Variants in SLCO1B3 observed in about 807,000 individuals in gnomAD.
The protein encoded by SLCO1B3 is solute carrier organic anion transporter family member 1B3, also known as liver-specific organic anion transporter 2.
Under a neutral mutation model 71.8 loss-of-function variants are expected in SLCO1B3, and 72 were observed. The ratio of observed to expected loss-of-function variants is 1.00; its 90% CI spans 0.83 to 1.22. The LOEUF (loss-of-function observed/expected upper bound fraction) is 1.22. Ranked by LOEUF, SLCO1B3 falls within the 50% of genes most tolerant of loss-of-function variation. The pLI, the probability that SLCO1B3 is intolerant of heterozygous loss-of-function variation, is 0.00. For missense variants in SLCO1B3, 911 were observed against 819.7 expected, an observed-to-expected ratio of 1.11 and a Z score of -1.36; for synonymous variants, 298 against 278.4, an observed-to-expected ratio of 1.07 and a Z score of -0.70.
intron 10 of SLCO1B3, among the ~76,000 whole-genome samples, 167 bp from the exon 11 acceptor site, chr12:20,879,269 C>T (rs561010928): frequency 7.4e-4 from 94 of 126,716 alleles, no homozygotes; most frequent in African/African-American, 2.5e-3. Flanking sequence ...GGTGCAGTGG[C>T]GCGATCTCGG....
intron 3 of SLCO1B3, among the ~76,000 whole-genome samples, chr12:20,842,457 G>A (rs1326386529): frequency 6.6e-6 from 1 of 151,862 alleles, no homozygotes; most frequent in Non-Finnish European, 1.5e-5. Context: ...TATCCATAAT[G>A]ATGTTTATGT....
intron 15 of SLCO1B3, among the ~76,000 whole-genome samples, chr12:20,905,896 G>A (rs1866235060): frequency 6.6e-6 from 1 of 152,146 alleles, no homozygotes; most frequent in Non-Finnish European, 1.5e-5. Context: ...CCCACTCCCA[G>A]TACCAATATT....
intron 3 of SLCO1B3, among the ~76,000 whole-genome samples, chr12:20,848,628 C>T (rs1372157309): frequency 6.6e-6 from 1 of 152,008 alleles, no homozygotes; most frequent in Non-Finnish European, 1.5e-5. Context: ...GTGATACAGT[C>T]AAACAATGTA....
At chr12:20,867,024 C>T (rs1865386710) in intron 8 of SLCO1B3, among the ~76,000 whole-genome samples, 1 of 152,124 alleles carries the variant, frequency 6.6e-6, no homozygotes, top group Non-Finnish European at 1.5e-5. Context: ...AGTACCTTGG[C>T]AGGAAGGGTT....
rs766131954 is a variant in SLCO1B3 at position 20,879,562 on chromosome 12, T to C, written c.1262T>C (p.Phe421Ser). The change falls in exon 11 of 16, where the codon TTT becomes TCT. Residue 421 changes from phenylalanine (F) to serine (S), a missense_variant. Phe to Ser is a radical substitution (Grantham distance 155). Transcript: ENST00000381545. The part of the protein sequence containing the change: ...SFLTSMISFL[F>S]QLLYFPLICE... The stretch of plus-strand genomic sequence containing the variant: ...CTTACTTCGATGATATCCTTCTTGT[T>C]TCAACTTCTATATTTCCCTCTAATC... 43 of 1,613,012 alleles carry C rather than the reference T, an allele frequency of 2.7e-5. No individual in the cohort carries two copies. Among genetic ancestry groups the C allele is most frequent in the Admixed American group, 1.0e-4 (6 of 59,820 alleles).
Position 20,841,490 on chromosome 12 carries a change from C to G in SLCO1B3, c.85-13538C>G, listed in dbSNP as rs193158063. On this transcript the variant is annotated intron_variant, in intron 3 of 15. Coordinates refer to ENST00000381545, the MANE Select transcript of SLCO1B3 (RefSeq NM_019844.4). Reference sequence around the variant, plus strand: ...AGGGATTCTTATTTAAAAATGTTTTCTACCATTGCCTGCCATAATTGCACT... The same window carrying G: ...AGGGATTCTTATTTAAAAATGTTTTGTACCATTGCCTGCCATAATTGCACT... Among the ~76,000 whole-genome samples the G allele has an allele frequency of 1.4e-4, 17 of 125,178 alleles. No homozygotes were observed. The Admixed American group carries it at 1.6e-3, about 12-fold the overall frequency. The allele number at this position is 125,178 out of a possible 152,430, so 82.1% of individuals were successfully genotyped here. A position where few individuals can be genotyped will look rare whatever the true frequency, so the allele number is the denominator to read the frequency against.
In SLCO1B3 at chr12:20,821,320, G is replaced by T. The variant is rs190882211; in HGVS notation, c.84+5498G>T. Among the ~76,000 whole-genome samples the T allele has an allele frequency of 4.0e-3, 608 of 152,248 alleles. 2 individuals carry two copies. The highest frequency in any genetic ancestry group is 0.017 in the Middle Eastern group (5 of 294). ...GTTTTTCTGGCAATTTGTAACTACT[G>T]TCGAGTTTGTACTGGGGTCAAGCGG... On this transcript the variant is annotated intron_variant, in intron 3 of 15. Transcript: ENST00000381545.
intron 15 of SLCO1B3, among the ~76,000 whole-genome samples, chr12:20,905,473 T>C (rs1866224475): frequency 6.6e-6 from 1 of 152,198 alleles, no homozygotes; most frequent in African/African-American, 2.4e-5. Flanking sequence ...TCAGATAATC[T>C]CTTTGTTCAC....
At chr12:20,865,889 G>A (rs903667872) in intron 8 of SLCO1B3, among the ~76,000 whole-genome samples, 5 of 151,984 alleles carry the variant, frequency 3.3e-5, no homozygotes, top group African/African-American at 9.7e-5. Flanking sequence ...ATTAACTGTA[G>A]TGCCTACTTC....
At chr12:20,877,357 T>G (rs1865602793) in intron 9 of SLCO1B3, among the ~76,000 whole-genome samples, 1 of 152,172 alleles carries the variant, frequency 6.6e-6, no homozygotes, top group Admixed American at 6.5e-5. Context: ...TTAGATTTAT[T>G]CCATATATTC....
rs183533352 is a variant in SLCO1B3, at chr12:20,829,108, C to T, written c.84+13286C>T. On this transcript the variant is annotated intron_variant, in intron 3 of 15. Coordinates refer to ENST00000381545, the MANE Select transcript of SLCO1B3 (RefSeq NM_019844.4). ...GTTGAGTAGAGTTGGTCAAACCTAA[C>T]GGGAAAAAGACTGAAACAACAAAAA... is the stretch of plus-strand genomic sequence containing the variant. Among the ~76,000 whole-genome samples, 534 of 152,126 alleles carry T rather than the reference C, an allele frequency of 3.5e-3. 1 individual carries two copies. Among genetic ancestry groups the T allele is most frequent in the Non-Finnish European group, 4.9e-3 (330 of 68,014 alleles).
At chr12:20,841,463 G>T (rs10743400) in intron 3 of SLCO1B3, among the ~76,000 whole-genome samples, 2 of 151,942 alleles carry the variant, frequency 1.3e-5, no homozygotes, top group African/African-American at 4.8e-5. Flanking sequence ...CCCCAAATAT[G>T]TAGGGATTCT....
chr12:20,909,165 C>CTT (rs1006708034), intron 15 of SLCO1B3, among the ~76,000 whole-genome samples: 4,882 of 123,838 alleles, frequency 0.039, 195 homozygotes, highest in East Asian at 0.13. Context: ...GCATCTTTTT[C>CTT]TTTTTTTTTT....
intron 8 of SLCO1B3, among the ~76,000 whole-genome samples, chr12:20,866,397 A>C (rs188501113): frequency 2.6e-5 from 4 of 152,154 alleles, no homozygotes; most frequent in African/African-American, 9.6e-5. Flanking sequence ...TTTATATCAT[A>C]TTGAAAATTC....
intron 3 of SLCO1B3, among the ~76,000 whole-genome samples, chr12:20,841,808 C>T (rs1365337435): frequency 6.6e-6 from 1 of 151,638 alleles, no homozygotes; most frequent in Non-Finnish European, 1.5e-5. Flanking sequence ...TTTTTATGTC[C>T]GAATATATCA....
intron 14 of SLCO1B3, among the ~76,000 whole-genome samples, chr12:20,899,029 T>G (rs982271743): frequency 2.0e-5 from 3 of 152,134 alleles, no homozygotes; most frequent in African/African-American, 7.2e-5. Flanking sequence ...GGAATGAAAA[T>G]TCATACTCTA....
intron 15 of SLCO1B3, among the ~76,000 whole-genome samples, chr12:20,914,572 T>A (rs1366366466): frequency 1.3e-5 from 2 of 152,122 alleles, no homozygotes; most frequent in African/African-American, 4.8e-5. Flanking sequence ...TTTAGAATAA[T>A]TTTTTTATTT....
chr12:20,841,452 G>T (rs1221118295), intron 3 of SLCO1B3, among the ~76,000 whole-genome samples: 14 of 151,988 alleles, frequency 9.2e-5, no homozygotes, highest in Admixed American at 1.3e-4. Flanking sequence ...AATAAGATTT[G>T]CCCCAAATAT....
chr12:20,815,082 T>C (rs1864170009), intron 2 of SLCO1B3, among the ~76,000 whole-genome samples: 1 of 150,664 alleles, frequency 6.6e-6, no homozygotes, highest in Non-Finnish European at 1.5e-5. Flanking sequence ...GATGGTAAGG[T>C]CAAGCATGGC....
Sources: gnomAD v4.1 joint callset for allele counts (sites outside exome capture counted in the v4.1 genomes callset) on GRCh38, gnomAD v4.1.1 for gene constraint, MANE v1.5 for transcripts, NCBI Gene and HGNC (gene_info 2026-07-23, HGNC 2026-07-21) for gene names.